NAALADL2: variants seen among roughly 807,000 people sequenced by gnomAD.
The protein encoded by NAALADL2 is inactive N-acetylated-alpha-linked acidic dipeptidase-like protein 2.
Under a neutral mutation model 87.2 loss-of-function variants are expected in NAALADL2, and 76 were observed. That is an observed-to-expected ratio of 0.87 (90% CI 0.72 to 1.05). NAALADL2 has a LOEUF of 1.05. Among genes scored for constraint, NAALADL2 ranks in the 50% least tolerant of loss-of-function variants. The pLI, the probability that NAALADL2 is intolerant of heterozygous loss-of-function variation, is 0.00. For synonymous variants in NAALADL2, 354 were observed against 331.0 expected (o/e 1.07, Z -0.75); for missense variants, 1,089 against 945.8 (o/e 1.15, Z -1.99).
intron 10 of NAALADL2, among the ~76,000 whole-genome samples, chr3:175,594,680 T>A (rs1424791915): frequency 6.6e-6 from 1 of 152,172 alleles, no homozygotes; most frequent in Non-Finnish European, 1.5e-5. Context: ...GTTTTTGCCT[T>A]TTTAATTATA....
At chr3:174,782,109 G>A (rs1228915813) in intron 3 of NAALADL2, among the ~76,000 whole-genome samples, 1 of 151,990 alleles carries the variant, frequency 6.6e-6, no homozygotes, top group African/African-American at 2.4e-5. Context: ...TGCTGTTTTT[G>A]GTTCACTGCT....
At chr3:175,156,117 C>T (rs901309490) in intron 2 of NAALADL2, among the ~76,000 whole-genome samples, 6 of 152,074 alleles carry the variant, frequency 3.9e-5, no homozygotes, top group Non-Finnish European at 5.9e-5. Flanking sequence ...GAGTAAATGA[C>T]CCTTTGAGTT....
chr3:175,746,942 T>C (rs554234266), intron 12 of NAALADL2, among the ~76,000 whole-genome samples: 66 of 152,312 alleles, frequency 4.3e-4, no homozygotes, highest in African/African-American at 1.4e-3. Context: ...TATTTGCATA[T>C]AACCTGGGCA....
At chr3:175,081,832 G>A (rs972507057) in intron 1 of NAALADL2, among the ~76,000 whole-genome samples, 2 of 152,052 alleles carry the variant, frequency 1.3e-5, no homozygotes, top group East Asian at 1.9e-4. Context: ...ACCATTTATT[G>A]TACATTTTTG....
intron 4 of NAALADL2, among the ~76,000 whole-genome samples, chr3:175,316,174 A>G (rs1364594760): frequency 6.6e-6 from 1 of 152,144 alleles, no homozygotes; most frequent in East Asian, 1.9e-4. Context: ...TGTTTCCCCT[A>G]CTAATGATTT....
intron 1 of NAALADL2, among the ~76,000 whole-genome samples, chr3:174,442,445 T>C (rs1175330074): frequency 3.3e-5 from 5 of 152,152 alleles, no homozygotes; most frequent in African/African-American, 9.7e-5. Flanking sequence ...ATGGGAAATG[T>C]AAAAGTAACT....
At chr3:175,168,878 C>T (rs1038414791) in intron 2 of NAALADL2, among the ~76,000 whole-genome samples, 1 of 151,784 alleles carries the variant, frequency 6.6e-6, no homozygotes, top group South Asian at 2.1e-4. Context: ...TTGCTATCAA[C>T]ATTTAAGGGC....
intron 1 of NAALADL2, among the ~76,000 whole-genome samples, chr3:174,887,762 C>T (rs1464250745): frequency 6.6e-6 from 1 of 151,610 alleles, no homozygotes; most frequent in Non-Finnish European, 1.5e-5. Context: ...CAATACTGTT[C>T]TCCAGCTTGG....
At chr3:175,091,177 T>C (rs935158688) in intron 1 of NAALADL2, among the ~76,000 whole-genome samples, 1 of 152,130 alleles carries the variant, frequency 6.6e-6, no homozygotes, top group African/African-American at 2.4e-5. Context: ...ATTTTGCCTA[T>C]AAAGAATATT....
chr3:175,333,788 C>A (rs889754832), intron 5 of NAALADL2, among the ~76,000 whole-genome samples: 2 of 151,982 alleles, frequency 1.3e-5, no homozygotes, highest in African/African-American at 4.8e-5. Context: ...TTATAGTTAA[C>A]AACAATGTAT....
chr3:175,425,119 A>G (rs1277034691), intron 5 of NAALADL2, among the ~76,000 whole-genome samples: 1 of 152,180 alleles, frequency 6.6e-6, no homozygotes, highest in African/African-American at 2.4e-5. Flanking sequence ...ATGATATGGA[A>G]TTTTCTGCCT....
chr3:174,650,271 A>G (rs1724222100), intron 2 of NAALADL2, among the ~76,000 whole-genome samples: 1 of 152,108 alleles, frequency 6.6e-6, no homozygotes, highest in African/African-American at 2.4e-5. Flanking sequence ...TCTATAAAAT[A>G]TTGTTTCTCA....
At position 175,796,221 on chromosome 3, in the gene NAALADL2, G is replaced by C. The variant is rs147235338; in HGVS notation, c.2190-6784G>C. 6.6e-4 allele frequency among the ~76,000 whole-genome samples: 100 copies of C among 152,016 alleles called. No homozygotes were observed. In the East Asian group the frequency reaches 0.017, roughly 26 times the overall value. ...AGCATACAGGAGATTTTGAGACATG[G>C]GCTTTCTACATATGCTATATTCTGT... On this transcript the variant is annotated intron_variant, in intron 13 of 13. Transcript: ENST00000454872.
At chr3:174,626,910 T>C (rs1487512243) in intron 2 of NAALADL2, among the ~76,000 whole-genome samples, 1 of 152,096 alleles carries the variant, frequency 6.6e-6, no homozygotes, top group African/African-American at 2.4e-5. Context: ...ATATACTTGA[T>C]AATTAAAAAT....
At chr3:175,475,530 G>A (rs1048120577) in intron 9 of NAALADL2, among the ~76,000 whole-genome samples, 3 of 152,114 alleles carry the variant, frequency 2.0e-5, no homozygotes, top group Admixed American at 6.6e-5. Context: ...TAAGAAAATA[G>A]CAATGAAATT....
chr3:174,748,977 T>C (rs566070450), intron 3 of NAALADL2, among the ~76,000 whole-genome samples: 152 of 152,328 alleles, frequency 1.0e-3, no homozygotes, highest in African/African-American at 3.5e-3. Flanking sequence ...AACTACTTCA[T>C]TGGCTATTTT....
intron 2 of NAALADL2, among the ~76,000 whole-genome samples, chr3:175,107,163 G>A (rs1373917980): frequency 1.3e-5 from 2 of 151,986 alleles, no homozygotes; most frequent in East Asian, 3.9e-4. Flanking sequence ...CTAATACATG[G>A]TATCAAATGT....
chr3:174,728,443 C>G (rs1354488719), intron 2 of NAALADL2, among the ~76,000 whole-genome samples: 3 of 151,980 alleles, frequency 2.0e-5, no homozygotes, highest in Non-Finnish European at 4.4e-5. Context: ...TCCAATAATG[C>G]TATTAAAATA....
chr3:175,119,758 TAA>T (rs1199877529), intron 2 of NAALADL2, among the ~76,000 whole-genome samples: 1 of 141,364 alleles, frequency 7.1e-6, no homozygotes, highest in African/African-American at 2.6e-5. Context: ...TATCTATATA[TAA>T]AACTATATAT....
Sources: gnomAD v4.1 joint callset for allele counts (sites outside exome capture counted in the v4.1 genomes callset) on GRCh38, gnomAD v4.1.1 for gene constraint, MANE v1.5 for transcripts, NCBI Gene and HGNC (gene_info 2026-07-23, HGNC 2026-07-21) for gene names.